Variants in BLZF1 observed in about 807,000 individuals in gnomAD.
BLZF1 encodes the protein golgin-45.
BLZF1 carries 39 observed loss-of-function variants against 43.8 expected under a neutral mutation model. That is an observed-to-expected ratio of 0.89 (90% CI 0.69 to 1.16). The LOEUF (loss-of-function observed/expected upper bound fraction) is 1.16. Among genes scored for constraint, BLZF1 ranks in the 50% most tolerant of loss-of-function variants. The pLI is 0.00. For missense variants in BLZF1, 449 were observed against 469.8 expected (o/e 0.96, Z 0.41); for synonymous variants, 136 against 159.4 (o/e 0.85, Z 1.11).
At chr1:169,378,103 T>C (rs889713499) in intron 3 of BLZF1, among the ~76,000 whole-genome samples, 1 of 152,092 alleles carries the variant, frequency 6.6e-6, no homozygotes. Flanking sequence ...TACAAGAGGC[T>C]CAGTTTATTA....
At chr1:169,375,813 T>TAC (rs922444949) in intron 2 of BLZF1, among the ~76,000 whole-genome samples, 5 of 151,540 alleles carry the variant, frequency 3.3e-5, no homozygotes, top group African/African-American at 7.3e-5. Context: ...TATATATATA[T>TAC]ACACACACAC....
intron 7 of BLZF1, among the ~76,000 whole-genome samples, chr1:169,393,626 C>G (rs112400298): frequency 6.8e-6 from 1 of 147,190 alleles, no homozygotes; most frequent in Non-Finnish European, 1.5e-5. Context: ...TTTTGAGATA[C>G]GGTCTCACTC....
chr1:169,379,541 C>G (rs1042515274), intron 4 of BLZF1, among the ~76,000 whole-genome samples: 1 of 151,866 alleles, frequency 6.6e-6, no homozygotes, highest in Non-Finnish European at 1.5e-5. Context: ...TTTTAACATC[C>G]TGATCAACAC....
intron 2 of BLZF1, among the ~76,000 whole-genome samples, chr1:169,373,457 A>C (rs987283593): frequency 1.3e-5 from 2 of 152,206 alleles, no homozygotes; most frequent in Non-Finnish European, 2.9e-5. Flanking sequence ...TATGTAATAA[A>C]GGTTTCTAGG....
chr1:169,383,997 G>A (rs1654600277), intron 6 of BLZF1, among the ~76,000 whole-genome samples: 1 of 152,072 alleles, frequency 6.6e-6, no homozygotes, highest in African/African-American at 2.4e-5. Flanking sequence ...CTGAGTCTGA[G>A]AGATTTATAT....
rs114833211 is a variant in BLZF1, at chr1:169,394,359, T to C, written c.*28-1535T>C. ...GTTTTATTTCAGATTCGGGGATACATATGTGCGTTAGTTACATGGGTATGT... is the reference window on the plus strand; with the variant it reads ...GTTTTATTTCAGATTCGGGGATACACATGTGCGTTAGTTACATGGGTATGT... On this transcript the variant is annotated intron_variant, in intron 7 of 7. Coordinates refer to the BLZF1 transcript ENST00000329281. 3.9e-3 allele frequency among the ~76,000 whole-genome samples: 601 copies of C among 152,326 alleles called. 7 individuals carry two copies. The highest frequency in any genetic ancestry group is 0.017 in the Middle Eastern group (5 of 294).
At chr1:169,388,557 A>G (rs561870806), downstream of BLZF1, among the ~76,000 whole-genome samples, 1 of 152,270 alleles carries the variant, frequency 6.6e-6, no homozygotes, top group African/African-American at 2.4e-5. Context: ...ATTTTTGTGC[A>G]TTAAAAGATG....
intron 3 of BLZF1, chr1:169,377,432 T>C: frequency 6.4e-6 from 1 of 157,014 alleles, no homozygotes; most frequent in Non-Finnish European, 1.4e-5. Context: ...CCCTTAAGTG[T>C]GTTGCTTTAA....
At chr1:169,374,295 G>A (rs10047168) in intron 2 of BLZF1, among the ~76,000 whole-genome samples, 6,706 of 152,228 alleles carry the variant, frequency 0.044, 207 homozygotes, top group East Asian at 0.12. Context: ...GCTGAGGTGG[G>A]AGGATCACCT....
intron 7 of BLZF1, chr1:169,395,787 A>C (rs1654985274): frequency 6.6e-6 from 1 of 152,220 alleles, no homozygotes; most frequent in African/African-American, 2.4e-5. Flanking sequence ...AAATAACTGC[A>C]TATACATATA....
At chr1:169,386,766 G>A (rs11581416) in intron 6 of BLZF1, among the ~76,000 whole-genome samples, 6,586 of 150,112 alleles carry the variant, frequency 0.044, 187 homozygotes, top group South Asian at 0.1. Flanking sequence ...AAACATTAAC[G>A]TCATTATTTA....
Position 169,387,033 on chromosome 1 carries a change from A to T in BLZF1, c.1054A>T (p.Ser352Cys). The T allele has an allele frequency of 6.2e-7, 1 of 1,611,724 alleles. No individual in the cohort carries two copies. The highest frequency in any genetic ancestry group is 8.5e-7 in the Non-Finnish European group (1 of 1,179,004). The change falls in exon 7 of 7, where the codon AGT becomes TGT. Residue 352 changes from serine to cysteine, a missense_variant. Coordinates refer to ENST00000367808, the MANE Select transcript of BLZF1 (RefSeq NM_001320973.2). ...RILDPVTCKE[S>C]SPDNPFFESS... ...TTTAGATCCAGTTACCTGCAAAGAG[A>T]GTTCACCTGATAATCCATTTTTTGA...
chr1:169,368,465 A>G (rs1211494503), intron 1 of BLZF1, 123 bp downstream of exon 1: 1 of 152,224 alleles, frequency 6.6e-6, no homozygotes, highest in East Asian at 1.9e-4. Context: ...TTTTTCAGAC[A>G]GGGATGAAAC....
At chr1:169,369,597 G>A (rs764439989) in intron 2 of BLZF1, 47 bp downstream of exon 2, 6 of 1,446,668 alleles carry the variant, frequency 4.1e-6, no homozygotes, top group Admixed American at 1.7e-5. Context: ...CATTTATGAC[G>A]ATGTGAAGGA....
At chr1:169,394,382 T>A (rs1314566940) in intron 7 of BLZF1, among the ~76,000 whole-genome samples, 1 of 152,200 alleles carries the variant, frequency 6.6e-6, no homozygotes, top group Non-Finnish European at 1.5e-5. Flanking sequence ...TACATGGGTA[T>A]GTTGCATGTT....
At chr1:169,377,144 A>C (rs1278089334) in intron 3 of BLZF1, 165 bp downstream of exon 3, 1 of 654,048 alleles carries the variant, frequency 1.5e-6, no homozygotes, top group Non-Finnish European at 2.6e-6. Flanking sequence ...TCAGTTCTCT[A>C]GGGATACTTT....
At chr1:169,385,496 G>A (rs1654640578) in intron 6 of BLZF1, among the ~76,000 whole-genome samples, 1 of 152,072 alleles carries the variant, frequency 6.6e-6, no homozygotes, top group African/African-American at 2.4e-5. Context: ...TCATATTAGT[G>A]GGTCAGTCTC....
intron 4 of BLZF1, 113 bp downstream of exon 4, chr1:169,378,642 G>C: frequency 1.1e-6 from 1 of 945,978 alleles, no homozygotes; most frequent in Non-Finnish European, 1.6e-6. Context: ...AAGGTCATCA[G>C]AGTACTTCAT....
chr1:169,380,347 T>G (rs1181071551), intron 4 of BLZF1, 134 bp from the exon 5 acceptor site: 5 of 755,174 alleles, frequency 6.6e-6, no homozygotes, highest in Non-Finnish European at 7.7e-6. Flanking sequence ...TAGCTAAAAT[T>G]TAAAAACTGT....
Sources: allele counts gnomAD v4.1 joint callset (sites outside exome capture counted in the v4.1 genomes callset), GRCh38; gene constraint gnomAD v4.1.1; transcripts MANE v1.5; gene names NCBI Gene and HGNC (gene_info 2026-07-23, HGNC 2026-07-21).